The following BPNT2 variants were observed in gnomAD, a reference collection of about 807,000 sequenced individuals.
The protein encoded by BPNT2 is 3'(2'), 5'-bisphosphate nucleotidase 2, also known as Golgi-resident adenosine 3',5'-bisphosphate 3'-phosphatase.
BPNT2 carries 11 observed loss-of-function variants against 29.3 expected under a neutral mutation model. The ratio of observed to expected loss-of-function variants is 0.38; its 90% CI spans 0.24 to 0.62. The LOEUF (loss-of-function observed/expected upper bound fraction) is 0.62. Among genes scored for constraint, BPNT2 ranks in the 20% least tolerant of loss-of-function variants. The pLI, the probability that BPNT2 is intolerant of heterozygous loss-of-function variation, is 0.62. For missense variants in BPNT2, 459 were observed against 473.4 expected, an observed-to-expected ratio of 0.97 and a Z score of 0.28; for synonymous variants, 195 against 187.7, an observed-to-expected ratio of 1.04 and a Z score of -0.32.
At position 56,993,625 on chromosome 8, in the gene BPNT2, G is replaced by C; in HGVS notation, c.-40C>G. On this transcript the variant is annotated 5_prime_UTR_variant, in exon 1 of 5. Transcript: ENST00000262644. Reference sequence around the variant, plus strand: ...GGCGCTCCGGGCTGCGGCTCTCACAGGCCTCCAGCGCCCGCCGCCGCCGCC... The same window carrying C: ...GGCGCTCCGGGCTGCGGCTCTCACACGCCTCCAGCGCCCGCCGCCGCCGCC... 1 of 1,288,102 alleles carries C rather than the reference G, an allele frequency of 7.8e-7. No homozygotes were observed. Among genetic ancestry groups the C allele is most frequent in the Non-Finnish European group, 9.8e-7 (1 of 1,018,566 alleles). The allele number at this position is 1,288,102 out of a possible 1,614,324, so 79.8% of individuals were successfully genotyped here.
At chr8:56,990,351 A>G (rs1478134506) in intron 1 of BPNT2, among the ~76,000 whole-genome samples, 1 of 152,220 alleles carries the variant, frequency 6.6e-6, no homozygotes, top group Non-Finnish European at 1.5e-5. Context: ...AAGTATCTTC[A>G]GCCTTCATTT....
chr8:56,985,996 C>T (rs1410627102), intron 1 of BPNT2, among the ~76,000 whole-genome samples: 1 of 152,242 alleles, frequency 6.6e-6, no homozygotes, highest in East Asian at 1.9e-4. Flanking sequence ...GGCAGAATCA[C>T]ATATCAACAT....
At position 56,960,308 on chromosome 8, in the gene BPNT2, T is replaced by G. The variant is rs556885793; in HGVS notation, c.*3485A>C. On this transcript the variant is annotated 3_prime_UTR_variant, in exon 5 of 5. Coordinates refer to ENST00000262644, the MANE Select transcript of BPNT2 (RefSeq NM_017813.5). ...CATGAAACAAGGACAGATATCCTGATCCTGGGGTGACCAGGGTAGATGTCT... is the reference window on the plus strand; with the variant it reads ...CATGAAACAAGGACAGATATCCTGAGCCTGGGGTGACCAGGGTAGATGTCT... The G allele has an allele frequency of 7.9e-5, 12 of 152,322 alleles. No individual in the cohort carries two copies. The highest frequency in any genetic ancestry group is 2.9e-4 in the African/African-American group (12 of 41,562). The allele number at this position is 152,322 out of a possible 1,614,324, so 9.4% of individuals were successfully genotyped here. A position where few individuals can be genotyped will look rare whatever the true frequency, so the allele number is the denominator to read the frequency against.
At chr8:56,981,546 A>G (rs1371272615) in intron 1 of BPNT2, among the ~76,000 whole-genome samples, 1 of 152,178 alleles carries the variant, frequency 6.6e-6, no homozygotes, top group Admixed American at 6.5e-5. Flanking sequence ...GCCTGGCGAC[A>G]GAGCAAGACT....
chr8:56,987,571 C>T (rs1418236418), intron 1 of BPNT2, among the ~76,000 whole-genome samples: 1 of 152,180 alleles, frequency 6.6e-6, no homozygotes, highest in South Asian at 2.1e-4. Context: ...AATCACATCA[C>T]TTGCTTTCCT....
intron 1 of BPNT2, among the ~76,000 whole-genome samples, chr8:56,989,411 T>C (rs1806375567): frequency 6.6e-6 from 1 of 152,022 alleles, no homozygotes; most frequent in Admixed American, 6.6e-5. Context: ...TGGACAATCT[T>C]TGGCAAATTA....
intron 1 of BPNT2, 91 bp from the exon 2 acceptor site, chr8:56,980,288 A>C (rs1806218108): frequency 3.1e-6 from 3 of 979,166 alleles, no homozygotes; most frequent in African/African-American, 1.6e-5. Flanking sequence ...CAATCACCCA[A>C]ATTATAAATA....
At chr8:56,989,787 T>G (rs1806383224) in intron 1 of BPNT2, among the ~76,000 whole-genome samples, 1 of 152,220 alleles carries the variant, frequency 6.6e-6, no homozygotes, top group Admixed American at 6.5e-5. Flanking sequence ...GAGCTTGGAA[T>G]ATGACCTAGC....
intron 3 of BPNT2, among the ~76,000 whole-genome samples, chr8:56,970,715 A>G (rs1349868724): frequency 6.6e-6 from 1 of 152,176 alleles, no homozygotes; most frequent in Non-Finnish European, 1.5e-5. Flanking sequence ...AGAGATGCAT[A>G]CTGAAGTATA....
chr8:56,967,523 C>A (rs1457891798), intron 3 of BPNT2, among the ~76,000 whole-genome samples: 1 of 152,102 alleles, frequency 6.6e-6, no homozygotes, highest in East Asian at 1.9e-4. Flanking sequence ...GGTCAGAGAA[C>A]TCTCAGTGGC....
intron 3 of BPNT2, among the ~76,000 whole-genome samples, chr8:56,971,782 A>ACTCC: frequency 9.6e-6 from 1 of 104,212 alleles, no homozygotes; most frequent in East Asian, 3.4e-4. Context: ...ATTTTGTACC[A>ACTCC]CCCCCCCCCC....
At chr8:56,986,643 A>G (rs141474387) in intron 1 of BPNT2, among the ~76,000 whole-genome samples, 5 of 152,250 alleles carry the variant, frequency 3.3e-5, no homozygotes, top group African/African-American at 1.2e-4. Flanking sequence ...CTAACCTACC[A>G]AACATCACAG....
chr8:56,984,305 T>A (rs1806293605), intron 1 of BPNT2, among the ~76,000 whole-genome samples: 1 of 152,146 alleles, frequency 6.6e-6, no homozygotes, highest in Admixed American at 6.5e-5. Context: ...TGCTTTTGAG[T>A]AACTGCTATT....
chr8:56,984,710 C>A (rs995016253), intron 1 of BPNT2, among the ~76,000 whole-genome samples: 7 of 152,166 alleles, frequency 4.6e-5, no homozygotes, highest in Admixed American at 2.6e-4. Flanking sequence ...CCTTCTCAAC[C>A]CAGCAACCTG....
chr8:56,969,347 T>C (rs566704577), intron 3 of BPNT2, among the ~76,000 whole-genome samples: 1 of 152,338 alleles, frequency 6.6e-6, no homozygotes. Flanking sequence ...TTAGCTCTTC[T>C]AAGGTAATCT....
intron 1 of BPNT2, among the ~76,000 whole-genome samples, chr8:56,992,408 TAGC>T (rs1806432046): frequency 1.3e-5 from 2 of 152,188 alleles, no homozygotes; most frequent in South Asian, 4.1e-4. Context: ...TTCAACTCAA[TAGC>T]AGCTCCAGTG....
rs1021983291 is a variant in BPNT2, at chr8:56,966,317, C to G, written c.682G>C (p.Ala228Pro). ...GTCTTCTCATTGTAGGAAGAGCGGG[C>G]TTTCACATTTGAACCACCATCTACC... ...AMVDGGSNVK[A>P]RSSYNEKTPR... The change falls in exon 4 of 5, where the codon GCC becomes CCC. Residue 228 changes from alanine (A) to proline (P), a missense_variant. By Grantham distance (27) the Ala-to-Pro change is conservative (BLOSUM62 -1). Coordinates refer to ENST00000262644, the MANE Select transcript of BPNT2 (RefSeq NM_017813.5). 3 of 1,613,986 alleles carry G rather than the reference C, an allele frequency of 1.9e-6. No individual in the cohort carries two copies. Among genetic ancestry groups the G allele is most frequent in the Non-Finnish European group, 2.5e-6 (3 of 1,179,932 alleles).
intron 4 of BPNT2, 127 bp downstream of exon 4, chr8:56,966,064 C>A: frequency 9.9e-7 from 1 of 1,008,036 alleles, no homozygotes; most frequent in Non-Finnish European, 1.5e-6. Flanking sequence ...GGAGACCAAG[C>A]CTGTCTTGAA....
intron 3 of BPNT2, among the ~76,000 whole-genome samples, chr8:56,967,573 A>C (rs1805972318): frequency 6.6e-6 from 1 of 152,090 alleles, no homozygotes; most frequent in South Asian, 2.1e-4. Flanking sequence ...TTCTCCCCAG[A>C]AGGAAGAGGT....
Sources: allele counts gnomAD v4.1 joint callset (sites outside exome capture counted in the v4.1 genomes callset), GRCh38; gene constraint gnomAD v4.1.1; transcripts MANE v1.5; gene names NCBI Gene and HGNC (gene_info 2026-07-23, HGNC 2026-07-21).